CHN1: variants seen among roughly 807,000 people sequenced by gnomAD.
CHN1 encodes N-chimaerin.
In CHN1, 37 loss-of-function variants were observed where a neutral mutation model predicts 59.5. That is an observed-to-expected ratio of 0.62 (90% CI 0.48 to 0.82). The LOEUF (loss-of-function observed/expected upper bound fraction) is 0.82. Ranked by LOEUF, CHN1 falls within the 40% of genes least tolerant of loss-of-function variation. The probability of loss-of-function intolerance (pLI) is 0.00; values close to 1 mark genes in which losing one functional copy is unlikely to be tolerated. For synonymous variants in CHN1, 206 were observed against 200.4 expected, an observed-to-expected ratio of 1.03 and a Z score of -0.24; for missense variants, 469 against 571.0, an observed-to-expected ratio of 0.82 and a Z score of 1.82.
intron 1 of CHN1, among the ~76,000 whole-genome samples, chr2:174,968,774 C>A (rs1473941898): frequency 2.6e-5 from 4 of 152,180 alleles, no homozygotes; most frequent in Non-Finnish European, 5.9e-5. Context: ...ATAATACCAA[C>A]AAAGGTCCGT....
rs2105382949 is a variant in CHN1 at position 174,811,481 on chromosome 2, C to T, written c.964+30G>A. On this transcript the variant is annotated intron_variant, in intron 10 of 12. Coordinates refer to ENST00000409900, the MANE Select transcript of CHN1 (RefSeq NM_001822.7). ...CTTTTTAGAAAAGAGTATTATTGTC[C>T]TAAGTTATGGAACATTGTGAAAAAC... The T allele has an allele frequency of 2.0e-6, 3 of 1,515,794 alleles. No homozygotes were observed. In the East Asian group the frequency reaches 6.8e-5, roughly 34 times the overall value. 93.9% of individuals were successfully genotyped at this position (1,515,794 alleles called of 1,614,324 possible).
intron 6 of CHN1, among the ~76,000 whole-genome samples, chr2:174,871,972 C>T (rs546227233): frequency 2.5e-4 from 38 of 152,210 alleles, no homozygotes; most frequent in African/African-American, 9.1e-4. Context: ...TCCTGCCTTG[C>T]TCTTAACTTG....
intron 6 of CHN1, among the ~76,000 whole-genome samples, chr2:174,849,136 ATCTTTT>A (rs1287505809): frequency 6.6e-6 from 1 of 152,190 alleles, no homozygotes; most frequent in Non-Finnish European, 1.5e-5. Context: ...CCAAAGTAGC[ATCTTTT>A]TCTTGAGTAT....
At chr2:174,973,540 A>C (rs533447887) in intron 1 of CHN1, among the ~76,000 whole-genome samples, 5 of 152,244 alleles carry the variant, frequency 3.3e-5, no homozygotes, top group Admixed American at 6.5e-5. Flanking sequence ...AGTGATGAAG[A>C]AGCAGCAGCA....
At chr2:174,864,843 T>A (rs1687169046) in intron 6 of CHN1, among the ~76,000 whole-genome samples, 1 of 152,154 alleles carries the variant, frequency 6.6e-6, no homozygotes, top group Non-Finnish European at 1.5e-5. Flanking sequence ...CCAGCCTGGG[T>A]TGACAGATGG....
chr2:174,997,436 T>C (rs1691743579), intron 1 of CHN1, among the ~76,000 whole-genome samples: 1 of 152,230 alleles, frequency 6.6e-6, no homozygotes, highest in Admixed American at 6.5e-5. Context: ...AGACTGTTCA[T>C]CCATAAGCTG....
chr2:174,885,115 A>G (rs34819140), intron 5 of CHN1, among the ~76,000 whole-genome samples: 7,052 of 149,784 alleles, frequency 0.047, 233 homozygotes, highest in African/African-American at 0.087. Context: ...GTGAAACCCC[A>G]TCTCTACTAA....
At chr2:174,945,510 C>A (rs916835934) in intron 2 of CHN1, among the ~76,000 whole-genome samples, 1 of 151,988 alleles carries the variant, frequency 6.6e-6, no homozygotes, top group African/African-American at 2.4e-5. Flanking sequence ...AAATAACTTG[C>A]CAAAAGAGGG....
chr2:174,904,619 C>G (rs1343662207), intron 5 of CHN1, among the ~76,000 whole-genome samples: 1 of 152,156 alleles, frequency 6.6e-6, no homozygotes, highest in South Asian at 2.1e-4. Flanking sequence ...AACTCCCAAC[C>G]TCAGGTGATC....
intron 1 of CHN1, among the ~76,000 whole-genome samples, chr2:174,988,251 GGAGGCT>G (rs1691417500): frequency 6.6e-6 from 1 of 151,690 alleles, no homozygotes; most frequent in Non-Finnish European, 1.5e-5. Context: ...CAGCTACACG[GGAGGCT>G]GAGGCAGGAG....
intron 6 of CHN1, among the ~76,000 whole-genome samples, chr2:174,862,463 G>A (rs1193072212): frequency 6.6e-6 from 1 of 151,924 alleles, no homozygotes; most frequent in East Asian, 1.9e-4. Context: ...TTCCCGAGTA[G>A]CTGGGACTGC....
chr2:174,869,914 C>T (rs1687351646), intron 6 of CHN1, among the ~76,000 whole-genome samples: 1 of 152,108 alleles, frequency 6.6e-6, no homozygotes, highest in Non-Finnish European at 1.5e-5. Context: ...AGGTGCTAAA[C>T]AATCTGCAGC....
intron 5 of CHN1, among the ~76,000 whole-genome samples, chr2:174,905,492 A>G (rs1318479131): frequency 6.6e-6 from 1 of 152,204 alleles, no homozygotes; most frequent in Non-Finnish European, 1.5e-5. Context: ...ATGTATGCAT[A>G]CTTTTGAGAG....
chr2:174,867,227 T>A (rs917922281), intron 6 of CHN1, among the ~76,000 whole-genome samples: 1 of 151,860 alleles, frequency 6.6e-6, no homozygotes, highest in Non-Finnish European at 1.5e-5. Flanking sequence ...TACAAAAAAA[T>A]TAGCTGAGCG....
intron 3 of CHN1, among the ~76,000 whole-genome samples, chr2:174,921,956 T>C (rs1216713191): frequency 6.6e-6 from 1 of 152,192 alleles, no homozygotes; most frequent in Non-Finnish European, 1.5e-5. Context: ...TAATACTTTA[T>C]CCCTCATGAA....
At chr2:174,982,261 T>C (rs986309242) in intron 1 of CHN1, among the ~76,000 whole-genome samples, 8 of 152,202 alleles carry the variant, frequency 5.3e-5, no homozygotes, top group African/African-American at 1.9e-4. Flanking sequence ...TAAACATACA[T>C]GTGCATGTGT....
chr2:174,918,685 A>C (rs1276284112), intron 3 of CHN1, 120 bp from the exon 4 acceptor site: 3 of 756,412 alleles, frequency 4.0e-6, no homozygotes, highest in Non-Finnish European at 4.1e-6. Flanking sequence ...CAAATAACAG[A>C]GTATGGAGTC....
At chr2:174,891,485 C>G (rs1470604691) in intron 5 of CHN1, among the ~76,000 whole-genome samples, 1 of 150,792 alleles carries the variant, frequency 6.6e-6, no homozygotes, top group African/African-American at 2.4e-5. Context: ...TACAGAATTG[C>G]TCAAACCCGG....
intron 1 of CHN1, among the ~76,000 whole-genome samples, chr2:174,968,125 C>G (rs1323975420): frequency 1.3e-5 from 2 of 152,182 alleles, no homozygotes; most frequent in Non-Finnish European, 2.9e-5. Flanking sequence ...GTAAGATAAA[C>G]TAACGCTTAC....
Sources: allele counts gnomAD v4.1 joint callset (sites outside exome capture counted in the v4.1 genomes callset), GRCh38; gene constraint gnomAD v4.1.1; transcripts MANE v1.5; gene names NCBI Gene and HGNC (gene_info 2026-07-23, HGNC 2026-07-21).